ENDOG: variants seen among roughly 807,000 people sequenced by gnomAD.
ENDOG encodes endonuclease G, mitochondrial.
In ENDOG, 22 loss-of-function variants were observed where a neutral mutation model predicts 22.6. The ratio of observed to expected loss-of-function variants is 0.97; its 90% CI spans 0.70 to 1.39. The LOEUF is 1.39. ENDOG is among the 40% of genes most tolerant of loss of function. The pLI, the probability that ENDOG is intolerant of heterozygous loss-of-function variation, is 0.00. For missense variants in ENDOG, 403 were observed against 431.3 expected, an observed-to-expected ratio of 0.93 and a Z score of 0.58; for synonymous variants, 173 against 200.2, an observed-to-expected ratio of 0.86 and a Z score of 1.15.
Position 128,818,751 on chromosome 9 carries a change from TGGC to T in ENDOG, c.79_81del (p.Arg27del), listed in dbSNP as rs955220372. On this transcript the variant is annotated inframe_deletion, in exon 1 of 3. Transcript: ENST00000372642. ...GGGGCTGGGTGCGGTCGTCGAGGGC[TGGC>T]GGCGGCGGCGGGAGGACGCGCGGGC... is the stretch of plus-strand genomic sequence containing the variant. 97 of 1,160,578 alleles carry T rather than the reference TGGC, an allele frequency of 8.4e-5. No individual in the cohort carries two copies. The highest frequency in any genetic ancestry group is 3.6e-4 in the Middle Eastern group (1 of 2,810). 71.9% of individuals were successfully genotyped at this position (1,160,578 alleles called of 1,614,324 possible).
Position 128,818,601 on chromosome 9 carries a change from G to A in ENDOG, c.-84G>A. The A allele has an allele frequency of 9.4e-7, 1 of 1,060,692 alleles. No individual in the cohort carries two copies. The highest frequency in any genetic ancestry group is 1.1e-6 in the Non-Finnish European group (1 of 878,898). 65.7% of individuals were successfully genotyped at this position (1,060,692 alleles called of 1,614,324 possible). A position where few individuals can be genotyped will look rare whatever the true frequency, so the allele number is the denominator to read the frequency against. ...GGTCACGCTATCGTCCGCGGCCCCA[G>A]CAGCCCTGTGCCCTCGTTGGATCCC... On this transcript the variant is annotated 5_prime_UTR_variant, in exon 1 of 3. Coordinates refer to ENST00000372642, the MANE Select transcript of ENDOG (RefSeq NM_004435.2).
chr9:128,820,944 T>C, intron 2 of ENDOG, 96 bp downstream of exon 2: 1 of 1,107,402 alleles, frequency 9.0e-7, no homozygotes, highest in Non-Finnish European at 1.3e-6. Context: ...TCTGGGTCAA[T>C]ACCAGTTCCC....
At position 128,820,737 on chromosome 9, in the gene ENDOG, A is replaced by T. The variant is rs1830094974; in HGVS notation, c.502-2A>T. 1 of 1,607,318 alleles carries T rather than the reference A, an allele frequency of 6.2e-7. No individual in the cohort carries two copies. The highest frequency in any genetic ancestry group is 1.1e-5 in the South Asian group (1 of 89,792). ...CCTGCTAAGCCCTATCTCTCCTACC[A>T]GGTGCCCCACCTCAACCAGAATGCC... On this transcript the variant is annotated splice_acceptor_variant, in intron 1 of 2. Coordinates refer to ENST00000372642, the MANE Select transcript of ENDOG (RefSeq NM_004435.2). LOFTEE classifies it high-confidence loss of function.
chr9:128,819,243 G>T, intron 1 of ENDOG, 58 bp downstream of exon 1: 1 of 1,404,964 alleles, frequency 7.1e-7, no homozygotes, highest in Non-Finnish European at 9.2e-7. Context: ...GGCCTCGCGG[G>T]GCCTCGGTTT....
chr9:128,821,104 C>A, intron 2 of ENDOG: 1 of 535,846 alleles, frequency 1.9e-6, no homozygotes. Flanking sequence ...CCGCTTCTCC[C>A]TGCTGTCACC....
At position 128,818,813 on chromosome 9, in the gene ENDOG, G is replaced by A. The variant is rs1288433845; in HGVS notation, c.129G>A (p.Leu43=). The change falls in exon 1 of 3, where the codon CTG becomes CTA. Residue 43 remains leucine (L), a synonymous_variant. Transcript: ENST00000372642. The part of the protein sequence containing the change: ...APGLLGRLPV[L]PVAAAAELPP... ...GACTGCTGGGCCGGCTGCCCGTGCT[G>A]CCCGTGGCGGCGGCAGCCGAGTTGC... The A allele has an allele frequency of 2.8e-5, 36 of 1,288,690 alleles. No individual in the cohort carries two copies. Among genetic ancestry groups the A allele is most frequent in the Non-Finnish European group, 3.4e-5 (35 of 1,019,406 alleles). 79.8% of individuals were successfully genotyped at this position (1,288,690 alleles called of 1,614,324 possible).
chr9:128,820,495 C>T (rs571633228), intron 1 of ENDOG: 83 of 509,214 alleles, frequency 1.6e-4, no homozygotes, highest in Non-Finnish European at 2.6e-4. Flanking sequence ...TTCCTTCATT[C>T]GACTCTTGGG....
chr9:128,818,870 C>A lies in ENDOG; in HGVS notation c.186C>A (p.Gly62=), dbSNP rs1372832040. 2 of 1,431,158 alleles carry A rather than the reference C, an allele frequency of 1.4e-6. No homozygotes were observed. The highest frequency in any genetic ancestry group is 1.8e-6 in the Non-Finnish European group (2 of 1,097,832). 88.7% of individuals were successfully genotyped at this position (1,431,158 alleles called of 1,614,324 possible). A position where few individuals can be genotyped will look rare whatever the true frequency, so the allele number is the denominator to read the frequency against. ...PPVPGGPRGP[G]ELAKYGLPGL... ...TGCCCGGGGGACCCCGCGGCCCGGG[C>A]GAGCTGGCCAAGTACGGGCTGCCGG... is the stretch of plus-strand genomic sequence containing the variant. The change falls in exon 1 of 3, where the codon GGC becomes GGA. Residue 62 remains glycine, a synonymous_variant. Transcript: ENST00000372642.
intron 2 of ENDOG, 123 bp from the exon 3 acceptor site, chr9:128,822,205 C>A (rs1309343490): frequency 1.7e-6 from 2 of 1,197,494 alleles, no homozygotes; most frequent in Non-Finnish European, 2.3e-6. Context: ...AGAAGTCTCA[C>A]AGTGAGGGCG....
At chr9:128,820,989 C>G (rs1393112031) in intron 2 of ENDOG, 141 bp downstream of exon 2, 4 of 732,328 alleles carry the variant, frequency 5.5e-6, no homozygotes, top group Non-Finnish European at 9.1e-6. Context: ...CTGTCAGCTT[C>G]CCTGCCTCGA....
chr9:128,820,539 G>A (rs1026176659), intron 1 of ENDOG, 200 bp from the exon 2 acceptor site: 23 of 579,012 alleles, frequency 4.0e-5, no homozygotes, highest in South Asian at 2.8e-4. Context: ...TGGGCTGTGG[G>A]AGGGACAGAG....
chr9:128,820,487 CCTTCATTCGACTCTTGGGAG>C (rs1830087470), intron 1 of ENDOG: 1 of 498,582 alleles, frequency 2.0e-6, no homozygotes, highest in African/African-American at 1.9e-5. Context: ...ACAGGCTCTT[CCTTCATTCGACTCTTGGGAG>C]CTGAGAAAAG....
rs1188733307 is a variant in ENDOG at position 128,818,662 on chromosome 9, C to A, written c.-23C>A. 1.7e-6 allele frequency: 2 copies of A among 1,162,690 alleles called. No homozygotes were observed. The highest frequency in any genetic ancestry group is 1.6e-5 in the African/African-American group (1 of 61,602). 72.0% of individuals were successfully genotyped at this position (1,162,690 alleles called of 1,614,324 possible). A position where few individuals can be genotyped will look rare whatever the true frequency, so the allele number is the denominator to read the frequency against. On this transcript the variant is annotated 5_prime_UTR_variant, in exon 1 of 3. Transcript: ENST00000372642. ...TCCTTTAAGAGCCTCGCGGGTCGCC[C>A]GCCGCTAGGTCGCTCCCCGGCCATG... is the stretch of plus-strand genomic sequence containing the variant.
Position 128,818,570 on chromosome 9 carries a change from A to G in ENDOG, c.-115A>G. The stretch of plus-strand genomic sequence containing the variant: ...AGCCCTTGGCAGTGTTTGTGAGTGG[A>G]AGGGAGGTCACGCTATCGTCCGCGG... On this transcript the variant is annotated 5_prime_UTR_variant, in exon 1 of 3. Coordinates refer to ENST00000372642, the MANE Select transcript of ENDOG (RefSeq NM_004435.2). The G allele has an allele frequency of 9.8e-7, 1 of 1,025,522 alleles. No individual in the cohort carries two copies. Among genetic ancestry groups the G allele is most frequent in the Non-Finnish European group, 1.2e-6 (1 of 850,390 alleles). 63.5% of individuals were successfully genotyped at this position (1,025,522 alleles called of 1,614,324 possible). A position where few individuals can be genotyped will look rare whatever the true frequency, so the allele number is the denominator to read the frequency against.
rs750663648 is a variant in ENDOG, at chr9:128,822,458, G to A, written c.742G>A (p.Val248Met). The A allele has an allele frequency of 1.9e-6, 3 of 1,580,688 alleles. No individual in the cohort carries two copies. The highest frequency in any genetic ancestry group is 2.3e-5 in the East Asian group (1 of 42,946). The stretch of plus-strand genomic sequence containing the variant: ...TGGGCAAATTGAGCTCCGCACCTAC[G>A]TGATGCCCAACGCACCTGTGGATGA... The part of the protein sequence containing the change: ...AGGQIELRTY[V>M]MPNAPVDEAI... The change falls in exon 3 of 3, where the codon GTG (valine) becomes ATG (methionine). Residue 248 changes from valine to methionine, a missense_variant. By Grantham distance (21) the Val-to-Met change is conservative. Transcript: ENST00000372642.
At chr9:128,821,285 C>T (rs1319695725) in intron 2 of ENDOG, 2 of 194,544 alleles carry the variant, frequency 1.0e-5, no homozygotes, top group South Asian at 7.7e-5. Flanking sequence ...TCTGCAGGTC[C>T]GAGGTGCACC....
intron 1 of ENDOG, chr9:128,819,605 C>T (rs1361010296): frequency 5.5e-6 from 1 of 183,346 alleles, no homozygotes; most frequent in Non-Finnish European, 1.1e-5. Context: ...GACAGTTTTT[C>T]CACGGCTTGG....
chr9:128,821,778 G>A (rs1029112272), intron 2 of ENDOG: 2 of 165,622 alleles, frequency 1.2e-5, no homozygotes, highest in Non-Finnish European at 2.6e-5. Context: ...GTGACCTCTT[G>A]GTTGATGTCA....
Position 128,822,334 on chromosome 9 carries a change from G to A in ENDOG, c.618G>A (p.Glu206=), listed in dbSNP as rs1830136163. The change falls in exon 3 of 3, where the codon GAG becomes GAA. Residue 206 remains glutamate, a synonymous_variant. Transcript: ENST00000372642. ...TGCCTGGGTCTGCCCACAGGACAGA[G>A]GCTGATGGGAAATCCTACGTAAAGT... ...CTGPLFLPRT[E]ADGKSYVKYQ... The A allele has an allele frequency of 6.2e-7, 1 of 1,613,364 alleles. No individual in the cohort carries two copies.
Sources: gnomAD v4.1 joint callset for allele counts on GRCh38, gnomAD v4.1.1 for gene constraint, MANE v1.5 for transcripts, NCBI Gene and HGNC (gene_info 2026-07-23, HGNC 2026-07-21) for gene names.